The following PTPRN variants were observed in gnomAD, a reference collection of about 807,000 sequenced individuals.
PTPRN encodes protein tyrosine phosphatase receptor type N.
A neutral mutation model predicts 108.5 loss-of-function variants in PTPRN; 70 were observed. That is an observed-to-expected ratio of 0.65 (90% CI 0.53 to 0.79). The LOEUF is 0.79. Among genes scored for constraint, PTPRN ranks in the 30% least tolerant of loss-of-function variants. The pLI is 0.00. For synonymous variants in PTPRN, 496 were observed against 524.6 expected (o/e 0.95, Z 0.75); for missense variants, 1,136 against 1,295.5 (o/e 0.88, Z 1.89).
rs1559302715 is a variant in PTPRN at position 219,302,624 on chromosome 2, A to C, written c.591T>G (p.Pro197=). Residue 197 remains proline, a synonymous_variant, in exon 5 of 23, where the codon CCT becomes CCG. Coordinates refer to ENST00000295718, the MANE Select transcript of PTPRN (RefSeq NM_002846.4). ...GCAAGGCAGGTTCGTAACTCAGTGA[A>C]GGGTGGGGAGGCTGTGGGGGCAGCA... ...HLLLPPQPPH[P]SLSYEPALLQ... The C allele has an allele frequency of 1.9e-6, 3 of 1,613,952 alleles. No individual in the cohort carries two copies. Among genetic ancestry groups the C allele is most frequent in the Middle Eastern group, 1.7e-4 (1 of 6,006 alleles).
Position 219,297,578 on chromosome 2 carries a change from C to T in PTPRN, c.1888-145G>A, listed in dbSNP as rs1467938441. ...CTGGGGTATGGTCTTCTGCCTGGCC[C>T]TGATCCTTTCCAGGGCTGTTTTGCT... On this transcript the variant is annotated intron_variant, in intron 13 of 22. Transcript: ENST00000295718. This position sits in a 1 kb window ranked among gnomAD's most constrained non-coding sequence, Gnocchi z 6.0. The T allele has an allele frequency of 1.2e-6, 1 of 855,434 alleles. No individual in the cohort carries two copies. Among genetic ancestry groups the T allele is most frequent in the East Asian group, 2.7e-5 (1 of 37,648 alleles). The allele number at this position is 855,434 out of a possible 1,614,324, so 53.0% of individuals were successfully genotyped here.
At position 219,302,850 on chromosome 2, in the gene PTPRN, G is replaced by A. The variant is rs765400459; in HGVS notation, c.378-13C>T. 11 of 1,605,078 alleles carry A rather than the reference G, an allele frequency of 6.9e-6. No homozygotes were observed. In the South Asian group the frequency reaches 7.7e-5, roughly 11 times the overall value. The stretch of plus-strand genomic sequence containing the variant: ...TGCCAAGCCAGACCTGTAGAGGAAA[G>A]CAAAGTGTGTGTGTTGGAGCGGGGG... On this transcript the variant is annotated splice_polypyrimidine_tract_variant and intron_variant, in intron 4 of 22. Coordinates refer to ENST00000295718, the MANE Select transcript of PTPRN (RefSeq NM_002846.4).
rs1246155538 is a variant in PTPRN, at chr2:219,297,558, G to A, written c.1888-125C>T. On this transcript the variant is annotated intron_variant, in intron 13 of 22. Transcript: ENST00000295718. This position sits in a 1 kb window ranked among gnomAD's most constrained non-coding sequence, Gnocchi z 6.0. ...TTCAGTGGAACTCAGCTCCTCTGGG[G>A]TATGGTCTTCTGCCTGGCCCTGATC... The A allele has an allele frequency of 1.0e-5, 10 of 968,568 alleles. No individual in the cohort carries two copies. Among genetic ancestry groups the A allele is most frequent in the East Asian group, 2.6e-5 (1 of 38,370 alleles). The allele number at this position is 968,568 out of a possible 1,614,324, so 60.0% of individuals were successfully genotyped here. A position where few individuals can be genotyped will look rare whatever the true frequency, so the allele number is the denominator to read the frequency against.
At chr2:219,292,829 A>G (rs908608270) in intron 19 of PTPRN, 1 of 152,186 alleles carries the variant, frequency 6.6e-6, no homozygotes, top group Non-Finnish European at 1.5e-5. Context: ...TAGATCAGCC[A>G]TTGCAATAGA....
Position 219,296,914 on chromosome 2 carries a change from C to G in PTPRN, c.2236+71G>C. On this transcript the variant is annotated intron_variant, in intron 15 of 22. Coordinates refer to ENST00000295718, the MANE Select transcript of PTPRN (RefSeq NM_002846.4). The surrounding 1 kb of genome is among the most constrained non-coding windows in gnomAD (Gnocchi z 6.0). ...TCAGCCTGAGCCAGAAGCCCAACCC[C>G]TTACCCCAAGCCCTCCAGACCTCGC... The G allele has an allele frequency of 6.2e-7, 1 of 1,608,654 alleles. No homozygotes were observed. Among genetic ancestry groups the G allele is most frequent in the East Asian group, 2.2e-5 (1 of 44,860 alleles).
chr2:219,304,716 T>A (rs770117152), intron 3 of PTPRN, among the ~76,000 whole-genome samples: 1 of 152,216 alleles, frequency 6.6e-6, no homozygotes, highest in African/African-American at 2.4e-5. Flanking sequence ...CTAGATTTCA[T>A]CCCCTCTCAC....
Position 219,296,691 on chromosome 2 carries a change from T to G in PTPRN, c.2310+58A>C, listed in dbSNP as rs1321643738. On this transcript the variant is annotated intron_variant, in intron 16 of 22. Transcript: ENST00000295718. The surrounding 1 kb of genome is among the most constrained non-coding windows in gnomAD (Gnocchi z 6.0). The stretch of plus-strand genomic sequence containing the variant: ...GGCAGGTGACCACGGGGAAATGGAG[T>G]GCATAGGGCCAGGATAATGATGGGG... 10 of 1,597,840 alleles carry G rather than the reference T, an allele frequency of 6.3e-6. No homozygotes were observed. The highest frequency in any genetic ancestry group is 7.7e-6 in the Non-Finnish European group (9 of 1,169,606).
At chr2:219,300,757 G>C (rs1037462253) in intron 8 of PTPRN, among the ~76,000 whole-genome samples, 186 bp downstream of exon 8, 8 of 152,162 alleles carry the variant, frequency 5.3e-5, no homozygotes, top group Non-Finnish European at 1.0e-4. Context: ...CAGTTTTCTG[G>C]CTCCAGTTCT....
Position 219,307,807 on chromosome 2 carries a change from C to G in PTPRN, c.151G>C (p.Glu51Gln). Reference protein sequence around the residue: ...LFDRRLCSHLEVCIQDGLFGQ... With the variant: ...LFDRRLCSHLQVCIQDGLFGQ... ...CCTCACTCACCCTGAATACAGACTT[C>G]CAGGTGAGAGCAGAGCCTGCGGTCA... The change falls in exon 2 of 23, where the codon GAA becomes CAA. Residue 51 changes from glutamate to glutamine, a missense_variant. Glu to Gln is a conservative substitution (Grantham distance 29). Coordinates refer to ENST00000295718, the MANE Select transcript of PTPRN (RefSeq NM_002846.4). 1 of 1,614,160 alleles carries G rather than the reference C, an allele frequency of 6.2e-7. No individual in the cohort carries two copies. Among genetic ancestry groups the G allele is most frequent in the Non-Finnish European group, 8.5e-7 (1 of 1,180,026 alleles).
chr2:219,289,990 CT>C lies in PTPRN; in HGVS notation c.*235del. ...GTAGAATTGCTACCCATGTCCTTTC[CT>C]CTCCTCCTGGCTGCAGCACCCCCAT... On this transcript the variant is annotated 3_prime_UTR_variant, in exon 23 of 23. Coordinates refer to ENST00000295718, the MANE Select transcript of PTPRN (RefSeq NM_002846.4). The C allele has an allele frequency of 1.8e-6, 1 of 559,946 alleles. No individual in the cohort carries two copies. The highest frequency in any genetic ancestry group is 2.1e-5 in the South Asian group (1 of 47,492). The allele number at this position is 559,946 out of a possible 1,614,324, so 34.7% of individuals were successfully genotyped here. A position where few individuals can be genotyped will look rare whatever the true frequency, so the allele number is the denominator to read the frequency against.
chr2:219,299,923 T>C (rs1687427562), intron 9 of PTPRN, 62 bp downstream of exon 9: 1 of 1,598,988 alleles, frequency 6.3e-7, no homozygotes, highest in Non-Finnish European at 8.5e-7. Flanking sequence ...CCTCTGCTTC[T>C]GGCCAGGCAG....
At chr2:219,307,376 G>T in intron 3 of PTPRN, 68 bp downstream of exon 3, 1 of 1,331,876 alleles carries the variant, frequency 7.5e-7, no homozygotes, top group Non-Finnish European at 1.1e-6. Flanking sequence ...TCCTTGAAGA[G>T]AAATCTTCTT....
chr2:219,294,585 A>T (rs1218417421), intron 19 of PTPRN, among the ~76,000 whole-genome samples: 1 of 139,726 alleles, frequency 7.2e-6, no homozygotes, highest in Admixed American at 6.8e-5. Context: ...AAGGCAGCGC[A>T]GTGCAGGGCC....
At position 219,296,572 on chromosome 2, in the gene PTPRN, G is replaced by C; in HGVS notation, c.2311-56C>G. On this transcript the variant is annotated intron_variant, in intron 16 of 22. Coordinates refer to ENST00000295718, the MANE Select transcript of PTPRN (RefSeq NM_002846.4). This position sits in a 1 kb window ranked among gnomAD's most constrained non-coding sequence, Gnocchi z 6.0. ...GTGTGGGAAATGCCACTATGGACAG[G>C]CGTGGTCAGAGCAAGTGGGTCAGGG... The C allele has an allele frequency of 6.2e-7, 1 of 1,604,738 alleles. No individual in the cohort carries two copies. The highest frequency in any genetic ancestry group is 2.2e-5 in the East Asian group (1 of 44,840).
chr2:219,302,966 G>A lies in PTPRN; in HGVS notation c.378-129C>T, dbSNP rs1017612269. 5.6e-6 allele frequency: 4 copies of A among 717,626 alleles called. No individual in the cohort carries two copies. The East Asian group carries it at 1.4e-4, about 26-fold the overall frequency. 44.5% of individuals were successfully genotyped at this position (717,626 alleles called of 1,614,324 possible). A position where few individuals can be genotyped will look rare whatever the true frequency, so the allele number is the denominator to read the frequency against. ...GGCCTGACCTCTTTAGAAACTGAGT[G>A]ACCTCAGGGGAAGAGAGATGGGCTG... On this transcript the variant is annotated intron_variant, in intron 4 of 22. Coordinates refer to ENST00000295718, the MANE Select transcript of PTPRN (RefSeq NM_002846.4).
Position 219,297,202 on chromosome 2 carries a change from C to T in PTPRN, c.2088+31G>A, listed in dbSNP as rs1952222588. The T allele has an allele frequency of 1.9e-6, 3 of 1,610,732 alleles. No individual in the cohort carries two copies. Among genetic ancestry groups the T allele is most frequent in the Non-Finnish European group, 2.5e-6 (3 of 1,177,760 alleles). On this transcript the variant is annotated intron_variant, in intron 14 of 22. Coordinates refer to ENST00000295718, the MANE Select transcript of PTPRN (RefSeq NM_002846.4). The surrounding 1 kb of genome is among the most constrained non-coding windows in gnomAD (Gnocchi z 6.0). The stretch of plus-strand genomic sequence containing the variant: ...GGCCTCTCTCACCATCCCATTCCTT[C>T]ACCCACTCTGGGCCCAGGCCCTGTC...
At chr2:219,305,010 G>A (rs1423476190) in intron 3 of PTPRN, among the ~76,000 whole-genome samples, 1 of 151,934 alleles carries the variant, frequency 6.6e-6, no homozygotes, top group Non-Finnish European at 1.5e-5. Flanking sequence ...TACCAAAGCT[G>A]CTCTCATCAA....
rs376408155 is a variant in PTPRN at position 219,307,777 on chromosome 2, T to C, written c.166+15A>G. The C allele has an allele frequency of 1.3e-4, 207 of 1,613,610 alleles. No individual in the cohort carries two copies. In the African/African-American group the frequency reaches 2.4e-3, roughly 19 times the overall value. Reference sequence around the variant, plus strand: ...CCCCCCGATCTTGTGAGTTCTATGCTTGGGCCTCACTCACCCTGAATACAG... The same window carrying C: ...CCCCCCGATCTTGTGAGTTCTATGCCTGGGCCTCACTCACCCTGAATACAG... On this transcript the variant is annotated intron_variant, in intron 2 of 22. Coordinates refer to ENST00000295718, the MANE Select transcript of PTPRN (RefSeq NM_002846.4).
intron 11 of PTPRN, 83 bp downstream of exon 11, chr2:219,299,222 G>A (rs1268024861): frequency 1.3e-6 from 2 of 1,597,758 alleles, no homozygotes; most frequent in East Asian, 4.5e-5. Context: ...CATTTCAAGG[G>A]GGCATCAGCA....
Sources: gnomAD v4.1 joint callset for allele counts (sites outside exome capture counted in the v4.1 genomes callset) on GRCh38, gnomAD v4.1.1 for gene constraint, Gnocchi (gnomAD v3.1) non-coding constraint, MANE v1.5 for transcripts, NCBI Gene and HGNC (gene_info 2026-07-23, HGNC 2026-07-21) for gene names.